Variants in MAGI1 observed in about 807,000 individuals in gnomAD.
The protein encoded by MAGI1 is membrane-associated guanylate kinase, WW and PDZ domain-containing protein 1.
MAGI1 carries 58 observed loss-of-function variants against 139.9 expected under a neutral mutation model. That is an observed-to-expected ratio of 0.41 (90% CI 0.34 to 0.52). The LOEUF is 0.52. MAGI1 is among the 20% of genes least tolerant of loss of function. The pLI, the probability that MAGI1 is intolerant of heterozygous loss-of-function variation, is 0.12. For missense variants in MAGI1, 1,874 were observed against 1,901.6 expected (o/e 0.99, Z 0.27); for synonymous variants, 812 against 737.9 (o/e 1.10, Z -1.63).
chr3:65,637,204 A>G (rs1439143568), intron 1 of MAGI1, among the ~76,000 whole-genome samples: 1 of 152,124 alleles, frequency 6.6e-6, no homozygotes, highest in Non-Finnish European at 1.5e-5. Context: ...CCCTTTACAC[A>G]TATGTGGAAT....
chr3:65,444,473 C>T (rs190910709), intron 7 of MAGI1, among the ~76,000 whole-genome samples: 1 of 152,226 alleles, frequency 6.6e-6, no homozygotes, highest in Admixed American at 6.5e-5. Context: ...ATAGAAACGC[C>T]ATCTCTTTTC....
At chr3:65,945,069 G>A (rs148506410) in intron 1 of MAGI1, among the ~76,000 whole-genome samples, 7 of 152,326 alleles carry the variant, frequency 4.6e-5, no homozygotes, top group East Asian at 3.9e-4. Context: ...TGGTGTGTCC[G>A]TAGGGCAAGA....
At chr3:65,577,798 G>A (rs2081238937) in intron 2 of MAGI1, among the ~76,000 whole-genome samples, 1 of 152,106 alleles carries the variant, frequency 6.6e-6, no homozygotes, top group African/African-American at 2.4e-5. Flanking sequence ...TGATGCCATG[G>A]GAGGCTTCTG....
intron 2 of MAGI1, among the ~76,000 whole-genome samples, chr3:65,526,186 T>C (rs557257660): frequency 6.6e-6 from 1 of 152,188 alleles, no homozygotes; most frequent in Non-Finnish European, 1.5e-5. Context: ...TTGTTTCACT[T>C]TTCTTTTTTT....
intron 1 of MAGI1, among the ~76,000 whole-genome samples, chr3:65,867,742 G>A (rs554107324): frequency 8.8e-4 from 134 of 152,164 alleles, no homozygotes; most frequent in African/African-American, 3.1e-3. Context: ...AACAGAGCGA[G>A]ACCCTGAATC....
At chr3:65,564,161 A>G (rs1187198522) in intron 2 of MAGI1, among the ~76,000 whole-genome samples, 1 of 152,006 alleles carries the variant, frequency 6.6e-6, no homozygotes, top group Non-Finnish European at 1.5e-5. Context: ...GGAAAAACCA[A>G]CTGGAACGGA....
chr3:65,998,683 G>T (rs2066584404), intron 1 of MAGI1, among the ~76,000 whole-genome samples: 1 of 151,878 alleles, frequency 6.6e-6, no homozygotes, highest in Non-Finnish European at 1.5e-5. Context: ...CCATTTGATG[G>T]TTTTTTTGGG....
chr3:66,028,998 C>T (rs1453368659), intron 1 of MAGI1, among the ~76,000 whole-genome samples: 8 of 152,158 alleles, frequency 5.3e-5, no homozygotes, highest in Admixed American at 5.2e-4. Flanking sequence ...ATGTGCCAAG[C>T]CCTGTGTCAT....
chr3:65,774,754 A>T (rs2038232450), intron 1 of MAGI1, among the ~76,000 whole-genome samples: 1 of 152,214 alleles, frequency 6.6e-6, no homozygotes, highest in Non-Finnish European at 1.5e-5. Context: ...AGAGGAAAAC[A>T]AGAAATTCAA....
At chr3:65,657,300 A>G (rs2085932771) in intron 1 of MAGI1, among the ~76,000 whole-genome samples, 1 of 152,010 alleles carries the variant, frequency 6.6e-6, no homozygotes, top group Non-Finnish European at 1.5e-5. Context: ...AGCAAATAGA[A>G]AATTGCCTTT....
At chr3:65,941,496 T>C (rs539065101) in intron 1 of MAGI1, among the ~76,000 whole-genome samples, 6 of 152,310 alleles carry the variant, frequency 3.9e-5, no homozygotes, top group African/African-American at 1.4e-4. Context: ...CTGTAGGATG[T>C]TGAAGCAGTA....
At chr3:65,739,242 C>G (rs1189683008) in intron 1 of MAGI1, among the ~76,000 whole-genome samples, 1 of 152,170 alleles carries the variant, frequency 6.6e-6, no homozygotes, top group Non-Finnish European at 1.5e-5. Flanking sequence ...ACTTCATGAA[C>G]CAACTTATAG....
At chr3:65,963,204 G>C (rs1171100638) in intron 1 of MAGI1, among the ~76,000 whole-genome samples, 1 of 151,110 alleles carries the variant, frequency 6.6e-6, no homozygotes, top group Non-Finnish European at 1.5e-5. Flanking sequence ...CCCAGCTACT[G>C]GGAAGGCTGA....
chr3:65,596,312 C>T (rs1005597500), intron 2 of MAGI1, among the ~76,000 whole-genome samples: 15 of 152,152 alleles, frequency 9.9e-5, no homozygotes, highest in African/African-American at 3.6e-4. Context: ...AAAAGCTTCC[C>T]GTTTTACTGA....
intron 1 of MAGI1, among the ~76,000 whole-genome samples, chr3:65,696,434 C>T (rs1559796329): frequency 6.6e-6 from 1 of 152,064 alleles, no homozygotes; most frequent in East Asian, 1.9e-4. Context: ...TTATCCTTTA[C>T]ATTCATGGGG....
At chr3:65,427,125 G>A (rs777078071) in intron 12 of MAGI1, among the ~76,000 whole-genome samples, 75 of 152,182 alleles carry the variant, frequency 4.9e-4, no homozygotes, top group Non-Finnish European at 8.8e-4. Flanking sequence ...ACCAGCATGG[G>A]TAACATGGAG....
intron 3 of MAGI1, among the ~76,000 whole-genome samples, chr3:65,491,454 C>A (rs1952025887): frequency 6.6e-6 from 1 of 152,084 alleles, no homozygotes; most frequent in African/African-American, 2.4e-5. Context: ...CCTTTCCGAC[C>A]CAATCCTCTT....
chr3:65,703,116 G>C (rs2089727825), intron 1 of MAGI1, among the ~76,000 whole-genome samples: 1 of 152,126 alleles, frequency 6.6e-6, no homozygotes, highest in Admixed American at 6.5e-5. Flanking sequence ...GGCCTTCAAG[G>C]CATGATGCGC....
chr3:65,368,885 T>C lies in MAGI1; in HGVS notation c.3197-3939A>G, dbSNP rs555661350. ...TTTAAGCTTCTAAAGATTTTCATTA[T>C]ATTGAACTTGATTCAATCTGATGGT... On this transcript the variant is annotated intron_variant, in intron 18 of 22. Coordinates refer to ENST00000402939, the MANE Select transcript of MAGI1 (RefSeq NM_001033057.2). Among the ~76,000 whole-genome samples the C allele has an allele frequency of 6.6e-5, 10 of 152,370 alleles. No individual in the cohort carries two copies. The East Asian group carries it at 1.2e-3, about 18-fold the overall frequency.
Sources: allele counts gnomAD v4.1 joint callset (sites outside exome capture counted in the v4.1 genomes callset), GRCh38; gene constraint gnomAD v4.1.1; transcripts MANE v1.5; gene names NCBI Gene and HGNC (gene_info 2026-07-23, HGNC 2026-07-21).